Variants in SPATA17 observed in about 807,000 individuals in gnomAD.
SPATA17 encodes the protein spermatogenesis associated 17, also known as spermatogenesis-associated protein 17.
In SPATA17, 53 loss-of-function variants were observed where a neutral mutation model predicts 62.2. That is an observed-to-expected ratio of 0.85 (90% CI 0.68 to 1.07). The LOEUF is 1.07. SPATA17 is among the 50% of genes least tolerant of loss of function. The probability of loss-of-function intolerance (pLI) is 0.00; values close to 1 mark genes in which losing one functional copy is unlikely to be tolerated. For missense variants in SPATA17, 466 were observed against 425.5 expected, an observed-to-expected ratio of 1.10 and a Z score of -0.84; for synonymous variants, 146 against 146.8, an observed-to-expected ratio of 0.99 and a Z score of 0.04.
At chr1:217,850,525 G>A in intron 9 of SPATA17, 3 of 1,578,114 alleles carry the variant, frequency 1.9e-6, no homozygotes, top group Non-Finnish European at 2.6e-6. Flanking sequence ...TGGTCGGGGA[G>A]GATGCCTTCC....
intron 6 of SPATA17, among the ~76,000 whole-genome samples, chr1:217,764,501 G>A (rs552137742): frequency 4.6e-5 from 7 of 152,248 alleles, no homozygotes; most frequent in African/African-American, 1.7e-4. Context: ...TCCAAGTTTT[G>A]GCAATTATGT....
intron 9 of SPATA17, among the ~76,000 whole-genome samples, chr1:217,851,514 G>A (rs1675664960): frequency 6.6e-6 from 1 of 152,076 alleles, no homozygotes; most frequent in African/African-American, 2.4e-5. Context: ...AACTGTGACA[G>A]AACTATTGAC....
chr1:217,734,361 A>T lies in SPATA17; in HGVS notation c.396-7614A>T, dbSNP rs376506115. 5.9e-5 allele frequency among the ~76,000 whole-genome samples: 9 copies of T among 152,140 alleles called. No homozygotes were observed. In the East Asian group the frequency reaches 1.4e-3, roughly 23 times the overall value. On this transcript the variant is annotated intron_variant, in intron 5 of 10. Transcript: ENST00000366933. ...CCACAGCAGAAACTAATGCCATTTG[A>T]CTATTTTAATTTGTTTAATTTTTTG...
chr1:217,650,809 T>C (rs1034248990), intron 2 of SPATA17, among the ~76,000 whole-genome samples: 1 of 152,230 alleles, frequency 6.6e-6, no homozygotes, highest in African/African-American at 2.4e-5. Context: ...ACCTGTTTTA[T>C]AGTCTTAACA....
intron 9 of SPATA17, among the ~76,000 whole-genome samples, chr1:217,829,296 T>G (rs543726250): frequency 2.0e-5 from 3 of 152,108 alleles, no homozygotes; most frequent in African/African-American, 7.2e-5. Context: ...ACAACATAAA[T>G]GAACCTGAAG....
At chr1:217,849,077 G>A (rs1036209231) in intron 9 of SPATA17, among the ~76,000 whole-genome samples, 3 of 152,054 alleles carry the variant, frequency 2.0e-5, no homozygotes, top group African/African-American at 7.2e-5. Flanking sequence ...TTTTAGTGAT[G>A]CTTGGTTCTG....
At chr1:217,822,480 T>C (rs569974326) in intron 9 of SPATA17, among the ~76,000 whole-genome samples, 1 of 151,238 alleles carries the variant, frequency 6.6e-6, no homozygotes, top group South Asian at 2.1e-4. Flanking sequence ...TTTTTATTTA[T>C]CCTGCCTAGG....
At chr1:217,666,553 T>C (rs1198513804) in intron 3 of SPATA17, among the ~76,000 whole-genome samples, 2 of 152,114 alleles carry the variant, frequency 1.3e-5, no homozygotes, top group Non-Finnish European at 1.5e-5. Flanking sequence ...TTAAAAAAAT[T>C]ATGGTAAAAT....
intron 9 of SPATA17, among the ~76,000 whole-genome samples, chr1:217,857,174 G>A (rs149756405): frequency 3.2e-3 from 483 of 152,184 alleles, no homozygotes; most frequent in Middle Eastern, 0.014. Context: ...GCGCTGTCCC[G>A]CTTACTAACA....
intron 9 of SPATA17, among the ~76,000 whole-genome samples, chr1:217,826,838 T>G (rs546685447): frequency 2.3e-4 from 35 of 151,448 alleles, no homozygotes; most frequent in African/African-American, 7.5e-4. Flanking sequence ...AAGCAAGTTA[T>G]TTAAATTCTC....
intron 9 of SPATA17, among the ~76,000 whole-genome samples, chr1:217,846,791 T>C (rs1007932609): frequency 1.9e-4 from 29 of 152,042 alleles, no homozygotes; most frequent in Non-Finnish European, 4.4e-5. Flanking sequence ...TAAGCAACAT[T>C]ATAAGAGTGG....
chr1:217,849,382 C>T (rs1473440163), intron 9 of SPATA17, among the ~76,000 whole-genome samples: 2 of 152,078 alleles, frequency 1.3e-5, no homozygotes, highest in African/African-American at 4.8e-5. Context: ...TTTGATTCTA[C>T]TTGAATTTTT....
At chr1:217,793,214 G>GTTTT (rs1674043142) in intron 8 of SPATA17, among the ~76,000 whole-genome samples, 1 of 110,728 alleles carries the variant, frequency 9.0e-6, no homozygotes, top group African/African-American at 3.4e-5. Flanking sequence ...TTAGGGCAGT[G>GTTTT]GTTTTTGTTT....
At chr1:217,854,142 A>T (rs1192450201) in intron 9 of SPATA17, among the ~76,000 whole-genome samples, 1 of 152,096 alleles carries the variant, frequency 6.6e-6, no homozygotes, top group East Asian at 1.9e-4. Context: ...AACAGTTTGA[A>T]CACTCAGCAG....
intron 9 of SPATA17, among the ~76,000 whole-genome samples, chr1:217,817,827 T>C (rs1458504369): frequency 6.6e-6 from 1 of 152,092 alleles, no homozygotes; most frequent in African/African-American, 2.4e-5. Flanking sequence ...GGACCACACA[T>C]GCTTAGTGTA....
At chr1:217,738,433 G>C (rs1672559821) in intron 5 of SPATA17, among the ~76,000 whole-genome samples, 1 of 152,198 alleles carries the variant, frequency 6.6e-6, no homozygotes, top group Non-Finnish European at 1.5e-5. Context: ...TTGGCTCATA[G>C]TAAATGTTCA....
At chr1:217,716,235 ACTAT>A (rs1274380297) in intron 5 of SPATA17, among the ~76,000 whole-genome samples, 3 of 152,214 alleles carry the variant, frequency 2.0e-5, no homozygotes, top group African/African-American at 4.8e-5. Flanking sequence ...AATATATTAA[ACTAT>A]CTAGGCAGCA....
At chr1:217,674,197 A>G (rs1670895696) in intron 4 of SPATA17, among the ~76,000 whole-genome samples, 1 of 152,160 alleles carries the variant, frequency 6.6e-6, no homozygotes, top group Non-Finnish European at 1.5e-5. Context: ...ACTGACTTCC[A>G]GTGAGGAAGC....
At position 217,801,804 on chromosome 1, in the gene SPATA17, A is replaced by C. The variant is rs749637945; in HGVS notation, c.959A>C (p.Lys320Thr). The C allele has an allele frequency of 1.1e-5, 18 of 1,611,528 alleles. No homozygotes were observed. The Admixed American group carries it at 1.9e-4, about 17-fold the overall frequency. ...AGCAAGTATGGTCCTATTTCTTACA[A>C]AGAACAATTCCGAAGTGAAAATCCT... ...LSSKYGPISY[K>T]EQFRSENPKK... Residue 320 changes from lysine to threonine, a missense_variant, in exon 9 of 11, where the codon AAA becomes ACA. Lys to Thr is a moderately conservative substitution (Grantham distance 78, BLOSUM62 -1). Coordinates refer to ENST00000366933, the MANE Select transcript of SPATA17 (RefSeq NM_138796.4).
Sources: allele counts gnomAD v4.1 joint callset (sites outside exome capture counted in the v4.1 genomes callset), GRCh38; gene constraint gnomAD v4.1.1; transcripts MANE v1.5; gene names NCBI Gene and HGNC (gene_info 2026-07-23, HGNC 2026-07-21).